Variants in RELN observed in about 807,000 individuals in gnomAD.
The protein encoded by RELN is reelin.
Under a neutral mutation model 427.6 loss-of-function variants are expected in RELN, and 108 were observed. The observed-to-expected ratio is 0.25, with a 90% CI of 0.22 to 0.30. RELN has a LOEUF of 0.30. Among genes scored for constraint, RELN ranks in the 10% least tolerant of loss-of-function variants. RELN has a pLI of 1.00. For missense variants in RELN, 3,715 were observed against 4,302.8 expected (o/e 0.86, Z 3.82); for synonymous variants, 1,524 against 1,513.4 (o/e 1.01, Z -0.16).
chr7:103,564,306 A>G (rs1204807471), intron 34 of RELN, among the ~76,000 whole-genome samples: 1 of 152,224 alleles, frequency 6.6e-6, no homozygotes, highest in East Asian at 1.9e-4. Flanking sequence ...AAACCACTAT[A>G]AACACTTAAC....
chr7:103,812,660 T>TA (rs1158029675), intron 3 of RELN, among the ~76,000 whole-genome samples: 1 of 152,224 alleles, frequency 6.6e-6, no homozygotes, highest in Non-Finnish European at 1.5e-5. Context: ...TTCTTTTTCT[T>TA]ACTACTTTTA....
intron 24 of RELN, among the ~76,000 whole-genome samples, chr7:103,600,004 C>T (rs1831627581): frequency 6.6e-6 from 1 of 152,176 alleles, no homozygotes; most frequent in South Asian, 2.1e-4. Context: ...TCAAGCGATC[C>T]TTCTGCCTCA....
chr7:103,518,721 G>A (rs1380772654), intron 49 of RELN, among the ~76,000 whole-genome samples: 2 of 151,480 alleles, frequency 1.3e-5, no homozygotes, highest in Non-Finnish European at 2.9e-5. Context: ...CATTCTTTCT[G>A]TCTTCTCTTT....
chr7:103,599,779 G>C (rs138830116), intron 24 of RELN, among the ~76,000 whole-genome samples: 1 of 152,142 alleles, frequency 6.6e-6, no homozygotes, highest in Non-Finnish European at 1.5e-5. Flanking sequence ...TTTGTGGCTG[G>C]AGCAAAGGGC....
chr7:103,808,804 C>T (rs777534438), intron 3 of RELN, among the ~76,000 whole-genome samples: 22 of 151,924 alleles, frequency 1.4e-4, no homozygotes, highest in Non-Finnish European at 3.1e-4. Flanking sequence ...AAGATCTATC[C>T]AGAATGTTTA....
chr7:103,609,867 T>C (rs558653563), intron 22 of RELN, among the ~76,000 whole-genome samples: 1 of 152,292 alleles, frequency 6.6e-6, no homozygotes, highest in South Asian at 2.1e-4. Flanking sequence ...CTGCACAAAT[T>C]ACAGAATCTT....
chr7:103,602,764 G>A (rs1038032500), intron 24 of RELN, among the ~76,000 whole-genome samples: 11 of 152,000 alleles, frequency 7.2e-5, no homozygotes, highest in Non-Finnish European at 1.3e-4. Context: ...AAACCACCAT[G>A]GCACGTGTAT....
Position 103,682,212 on chromosome 7 carries a change from C to G in RELN, c.1193G>C (p.Gly398Ala), listed in dbSNP as rs766992224. 1 of 1,613,974 alleles carries G rather than the reference C, an allele frequency of 6.2e-7. No homozygotes were observed. The highest frequency in any genetic ancestry group is 1.1e-5 in the South Asian group (1 of 91,080). Residue 398 changes from glycine to alanine, a missense_variant, in exon 11 of 65, where the codon GGC becomes GCC. Physicochemically the swap from Gly to Ala is moderately conservative, Grantham distance 60. Transcript: ENST00000428762. The part of the protein sequence containing the change: ...GNSIYFHGNE[G>A]SEFNFATTRD... The stretch of plus-strand genomic sequence containing the variant: ...GGTGGTGGCAAAATTGAACTCGCTG[C>G]CTTCATTTCCATGGAAATAAATGGA...
chr7:103,883,767 C>A (rs1563069837), intron 2 of RELN, among the ~76,000 whole-genome samples: 1 of 152,268 alleles, frequency 6.6e-6, no homozygotes, highest in East Asian at 1.9e-4. Flanking sequence ...TAAAACACTG[C>A]TCAAGGAATA....
chr7:103,918,310 G>T (rs1274306051), intron 1 of RELN, among the ~76,000 whole-genome samples: 1 of 152,024 alleles, frequency 6.6e-6, no homozygotes. Context: ...CACTTAGTTG[G>T]GCACTGAGGT....
At chr7:103,835,387 G>A (rs1793375311) in intron 2 of RELN, among the ~76,000 whole-genome samples, 2 of 152,186 alleles carry the variant, frequency 1.3e-5, no homozygotes, top group African/African-American at 4.8e-5. Context: ...CCTTATAAAT[G>A]TATCCAAACA....
At chr7:103,512,192 C>T (rs1584252572) in intron 50 of RELN, among the ~76,000 whole-genome samples, 1 of 152,040 alleles carries the variant, frequency 6.6e-6, no homozygotes, top group African/African-American at 2.4e-5. Flanking sequence ...TGGCAACCAC[C>T]CTATTTAATT....
intron 7 of RELN, among the ~76,000 whole-genome samples, chr7:103,725,609 A>G (rs370081930): frequency 6.6e-6 from 1 of 152,164 alleles, no homozygotes; most frequent in African/African-American, 2.4e-5. Context: ...TTCTTTTTTT[A>G]AAATGGAGGG....
At chr7:103,636,826 T>A (rs189862338) in intron 17 of RELN, among the ~76,000 whole-genome samples, 79 of 152,318 alleles carry the variant, frequency 5.2e-4, no homozygotes, top group Middle Eastern at 3.4e-3. Flanking sequence ...AGAAACAGCA[T>A]AAAGCACTTC....
intron 2 of RELN, among the ~76,000 whole-genome samples, chr7:103,878,397 T>C (rs1794533126): frequency 6.6e-6 from 1 of 152,216 alleles, no homozygotes; most frequent in African/African-American, 2.4e-5. Context: ...GTGGGATATT[T>C]ATCAATTATT....
chr7:103,854,631 T>C (rs1216935541), intron 2 of RELN, among the ~76,000 whole-genome samples: 1 of 152,176 alleles, frequency 6.6e-6, no homozygotes, highest in Non-Finnish European at 1.5e-5. Flanking sequence ...CATCAGATTC[T>C]TAATTTATCC....
intron 39 of RELN, 36 bp downstream of exon 39, chr7:103,553,624 C>A: frequency 6.2e-7 from 1 of 1,612,548 alleles, no homozygotes; most frequent in South Asian, 1.1e-5. Context: ...GATTTGTATA[C>A]AGCAGTGGTT....
intron 3 of RELN, among the ~76,000 whole-genome samples, chr7:103,801,817 AC>A (rs1478087315): frequency 6.6e-6 from 1 of 152,184 alleles, no homozygotes; most frequent in African/African-American, 2.4e-5. Flanking sequence ...ATTTATCCAC[AC>A]AAAACACTTA....
At chr7:103,675,701 T>C (rs547492486) in intron 11 of RELN, among the ~76,000 whole-genome samples, 54 of 152,218 alleles carry the variant, frequency 3.5e-4, no homozygotes, top group Middle Eastern at 3.4e-3. Flanking sequence ...TATAGACCAA[T>C]GGAACAGAAC....
Sources: gnomAD v4.1 joint callset for allele counts (sites outside exome capture counted in the v4.1 genomes callset) on GRCh38, gnomAD v4.1.1 for gene constraint, MANE v1.5 for transcripts, NCBI Gene and HGNC (gene_info 2026-07-23, HGNC 2026-07-21) for gene names.